PNN: variants seen among roughly 807,000 people sequenced by gnomAD.
PNN encodes the protein pinin.
In PNN, 38 loss-of-function variants were observed where a neutral mutation model predicts 76.6. The ratio of observed to expected loss-of-function variants is 0.50; its 90% confidence interval spans 0.38 to 0.65. PNN has a LOEUF of 0.65. PNN is among the 30% of genes least tolerant of loss of function. The pLI, the probability that PNN is intolerant of heterozygous loss-of-function variation, is 0.00. For synonymous variants in PNN, 366 were observed against 283.7 expected (o/e 1.29, Z -2.91); for missense variants, 873 against 874.1 (o/e 1.00, Z 0.02).
chr14:39,178,922 G>A lies in PNN; in HGVS notation c.499-169G>A. The stretch of plus-strand genomic sequence containing the variant: ...CCCTGTTAATTTTTTTGTGTTTTTA[G>A]TAGAGATGGTGGTGTTGGCTTCTGA... On this transcript the variant is annotated intron_variant, in intron 6 of 8. Coordinates refer to ENST00000216832, the MANE Select transcript of PNN (RefSeq NM_002687.4). 2 of 599,318 alleles carry A rather than the reference G, an allele frequency of 3.3e-6. 1 individual carries two copies. Among genetic ancestry groups the A allele is most frequent in the South Asian group, 4.5e-5 (2 of 44,246 alleles). 37.1% of individuals were successfully genotyped at this position (599,318 alleles called of 1,614,324 possible).
intron 2 of PNN, 181 bp downstream of exon 2, chr14:39,176,330 G>A (rs886391096): frequency 1.1e-4 from 69 of 632,424 alleles, no homozygotes; most frequent in Non-Finnish European, 1.7e-4. Flanking sequence ...GGAGGTTGAA[G>A]AATATATTAA....
At chr14:39,178,856 G>A (rs189661419) in intron 6 of PNN, 136 of 367,552 alleles carry the variant, frequency 3.7e-4, no homozygotes, top group African/African-American at 2.2e-3. Context: ...CTCCTGCTTC[G>A]GCCTCCCAAG....
At chr14:39,176,424 T>C (rs1429003142) in intron 2 of PNN, 103 bp from the exon 3 acceptor site, 2 of 874,916 alleles carry the variant, frequency 2.3e-6, no homozygotes, top group Non-Finnish European at 3.6e-6. Flanking sequence ...AAGGCTACTT[T>C]AGTTGGAAAG....
rs770980165 is a variant in PNN, at chr14:39,182,400, G to A, written c.*537G>A. ...GGACAGTTTTTAGTTGTCAGAGTCAGAGCTTTGCAGCTTTGAGGGGGAACA... is the reference window on the plus strand; with the variant it reads ...GGACAGTTTTTAGTTGTCAGAGTCAAAGCTTTGCAGCTTTGAGGGGGAACA... On this transcript the variant is annotated 3_prime_UTR_variant, in exon 9 of 9. Coordinates refer to ENST00000216832, the MANE Select transcript of PNN (RefSeq NM_002687.4). 1.3e-5 allele frequency: 2 copies of A among 152,910 alleles called. No individual in the cohort carries two copies. Among genetic ancestry groups the A allele is most frequent in the Non-Finnish European group, 2.9e-5 (2 of 68,256 alleles). The allele number at this position is 152,910 out of a possible 1,614,324, so 9.5% of individuals were successfully genotyped here.
chr14:39,181,541 C>T lies in PNN; in HGVS notation c.1832C>T (p.Ser611Phe). Residue 611 changes from serine to phenylalanine, a missense_variant, in exon 9 of 9, where the codon TCC becomes TTC. This residue lies in a region of PNN where 712 missense variants were observed against 693.1 expected (regional missense o/e 1.03). Coordinates refer to ENST00000216832, the MANE Select transcript of PNN (RefSeq NM_002687.4). ...AGTCGCAGTAGTTCCAGTAGCAGCT[C>T]CAGTACAAGTGGCAGCAGCAGCAGA... is the stretch of plus-strand genomic sequence containing the variant. Reference protein sequence around the residue: ...SSSRSSSSSSSSTSGSSSRDS... With the variant: ...SSSRSSSSSSFSTSGSSSRDS... 1 of 1,607,110 alleles carries T rather than the reference C, an allele frequency of 6.2e-7. No homozygotes were observed. Among genetic ancestry groups the T allele is most frequent in the Non-Finnish European group, 8.5e-7 (1 of 1,176,652 alleles).
chr14:39,181,990 A>T lies in PNN; in HGVS notation c.*127A>T. 1.2e-6 allele frequency: 1 copy of T among 864,820 alleles called. No individual in the cohort carries two copies. Among genetic ancestry groups the T allele is most frequent in the Non-Finnish European group, 1.7e-6 (1 of 591,844 alleles). The allele number at this position is 864,820 out of a possible 1,614,324, so 53.6% of individuals were successfully genotyped here. On this transcript the variant is annotated 3_prime_UTR_variant, in exon 9 of 9. Coordinates refer to ENST00000216832, the MANE Select transcript of PNN (RefSeq NM_002687.4). ...ATGTTGTAAAAAATCTTTTTGGAAA[A>T]TACAGACTGTTTGTTTACCAGACAT...
chr14:39,181,950 T>C lies in PNN; in HGVS notation c.*87T>C. On this transcript the variant is annotated 3_prime_UTR_variant, in exon 9 of 9. Transcript: ENST00000216832. The stretch of plus-strand genomic sequence containing the variant: ...TTACCTTTCCTTGTAAAGAGGATGC[T>C]GCCTTAAGAATTGCATGTTGTAAAA... 1.5e-6 allele frequency: 2 copies of C among 1,341,314 alleles called. No homozygotes were observed. The highest frequency in any genetic ancestry group is 2.0e-6 in the Non-Finnish European group (2 of 996,486). 83.1% of individuals were successfully genotyped at this position (1,341,314 alleles called of 1,614,324 possible).
At position 39,177,293 on chromosome 14, in the gene PNN, G is replaced by A. The variant is rs556644114; in HGVS notation, c.255-119G>A. On this transcript the variant is annotated intron_variant, in intron 3 of 8. Coordinates refer to ENST00000216832, the MANE Select transcript of PNN (RefSeq NM_002687.4). Reference sequence around the variant, plus strand: ...CCCAGCTGCTTGGGAGGATGAGGCAGGAGGATCACTTGAGCCTGGGAGGTC... The same window carrying A: ...CCCAGCTGCTTGGGAGGATGAGGCAAGAGGATCACTTGAGCCTGGGAGGTC... The A allele has an allele frequency of 2.9e-4, 215 of 746,306 alleles. No homozygotes were observed. The African/African-American group carries it at 3.0e-3, about 10-fold the overall frequency. 46.2% of individuals were successfully genotyped at this position (746,306 alleles called of 1,614,324 possible).
At position 39,175,394 on chromosome 14, in the gene PNN, T is replaced by C. The variant is rs778986772; in HGVS notation, c.113+2T>C. On this transcript the variant is annotated splice_donor_variant, in intron 1 of 8. Coordinates refer to ENST00000216832, the MANE Select transcript of PNN (RefSeq NM_002687.4). LOFTEE classifies it high-confidence loss of function. ...CGGGCGGGATCCGAATGACGTGAGG[T>C]AAGGGCCTAACGGGAACTCGGAACT... is the stretch of plus-strand genomic sequence containing the variant. The C allele has an allele frequency of 6.3e-7, 1 of 1,581,188 alleles. No individual in the cohort carries two copies. Among genetic ancestry groups the C allele is most frequent in the African/African-American group, 1.3e-5 (1 of 74,160 alleles).
chr14:39,176,283 C>T (rs1044513868), intron 2 of PNN, 134 bp downstream of exon 2: 1 of 650,036 alleles, frequency 1.5e-6, no homozygotes, highest in South Asian at 1.9e-5. Context: ...TTGTAATAGA[C>T]TAGATTTCTG....
At chr14:39,178,848 C>T (rs954898383) in intron 6 of PNN, among the ~76,000 whole-genome samples, 6 of 152,056 alleles carry the variant, frequency 3.9e-5, no homozygotes, top group East Asian at 1.9e-4. Flanking sequence ...AGTGATTTCT[C>T]CTGCTTCGGC....
intron 8 of PNN, 113 bp downstream of exon 8, chr14:39,179,575 T>G: frequency 1.0e-6 from 1 of 980,766 alleles, no homozygotes; most frequent in Non-Finnish European, 1.5e-6. Context: ...TTGCTGTGTT[T>G]GCTTTTTTTT....
At position 39,180,589 on chromosome 14, in the gene PNN, G is replaced by A. The variant is rs1440183807; in HGVS notation, c.880G>A (p.Glu294Lys). 2 of 1,613,952 alleles carry A rather than the reference G, an allele frequency of 1.2e-6. No individual in the cohort carries two copies. The highest frequency in any genetic ancestry group is 1.7e-6 in the Non-Finnish European group (2 of 1,179,994). ...TAGAAGACAATCAATGAAGGAAAAA[G>A]AGCATCAGGTGGTGCGTAATGAAGA... The part of the protein sequence containing the change: ...RPRRQSMKEK[E>K]HQVVRNEEQK... The change falls in exon 9 of 9, where the codon GAG becomes AAG. Residue 294 changes from glutamate to lysine, a missense_variant. This residue lies in a region of PNN where 712 missense variants were observed against 693.1 expected (regional missense o/e 1.03). Transcript: ENST00000216832.
intron 1 of PNN, 83 bp downstream of exon 1, chr14:39,175,475 C>A: frequency 1.2e-6 from 1 of 851,198 alleles, no homozygotes; most frequent in Non-Finnish European, 2.0e-6. Context: ...GGGAGGGCGG[C>A]CAGCCTTAAG....
At position 39,175,340 on chromosome 14, in the gene PNN, A is replaced by G; in HGVS notation, c.61A>G (p.Asn21Asp). The G allele has an allele frequency of 6.2e-7, 1 of 1,613,094 alleles. No homozygotes were observed. The highest frequency in any genetic ancestry group is 8.5e-7 in the Non-Finnish European group (1 of 1,179,554). The change falls in exon 1 of 9, where the codon AAC (asparagine) becomes GAC (aspartate). Residue 21 changes from asparagine (N) to aspartate (D), a missense_variant. Transcript: ENST00000216832. ...QLEKAKESLK[N>D]VDENIRKLTG... ...GGAAAAGGCCAAAGAGAGTCTTAAGAACGTGGATGAGAACATTCGCAAGCT... is the reference window on the plus strand; with the variant it reads ...GGAAAAGGCCAAAGAGAGTCTTAAGGACGTGGATGAGAACATTCGCAAGCT...
chr14:39,176,184 C>T (rs753079660), intron 2 of PNN, 35 bp downstream of exon 2: 1 of 1,133,014 alleles, frequency 8.8e-7, no homozygotes, highest in Admixed American at 1.7e-5. Context: ...CATGCTGAAA[C>T]TACTGGTACT....
At chr14:39,178,056 C>T in intron 6 of PNN, 140 bp downstream of exon 6, 1 of 659,752 alleles carries the variant, frequency 1.5e-6, no homozygotes, top group South Asian at 1.8e-5. Context: ...CTTGGTTTAA[C>T]TTCTTATAGA....
chr14:39,181,735 A>G lies in PNN; in HGVS notation c.2026A>G (p.Lys676Glu), dbSNP rs926063369. 1.9e-6 allele frequency: 3 copies of G among 1,614,206 alleles called. No homozygotes were observed. The highest frequency in any genetic ancestry group is 2.2e-5 in the East Asian group (1 of 44,886). The change falls in exon 9 of 9, where the codon AAA becomes GAA. Residue 676 changes from lysine (K) to glutamate (E), a missense_variant. Physicochemically the swap from Lys to Glu is moderately conservative, Grantham distance 56. Transcript: ENST00000216832. Reference protein sequence around the residue: ...SSKGGSSRDTKGSKDKNSRSD... With the variant: ...SSKGGSSRDTEGSKDKNSRSD... ...AAAAGGTGGTAGTAGTAGAGATACA[A>G]AAGGATCAAAGGATAAGAATTCCCG... is the stretch of plus-strand genomic sequence containing the variant.
At chr14:39,179,577 C>CA (rs2053254644) in intron 8 of PNN, 115 bp downstream of exon 8, 1 of 706,844 alleles carries the variant, frequency 1.4e-6, no homozygotes, top group Non-Finnish European at 2.1e-6. Context: ...GCTGTGTTTG[C>CA]TTTTTTTTTT....
Sources: allele counts gnomAD v4.1 joint callset (sites outside exome capture counted in the v4.1 genomes callset), GRCh38; gene constraint gnomAD v4.1.1; regional missense constraint gnomAD v4.1.1; transcripts MANE v1.5; gene names NCBI Gene and HGNC (gene_info 2026-07-23, HGNC 2026-07-21).